CPS1: variants seen among roughly 807,000 people sequenced by gnomAD.
The protein encoded by CPS1 is carbamoyl-phosphate synthase [ammonia], mitochondrial.
Under a neutral mutation model 174.6 loss-of-function variants are expected in CPS1, and 109 were observed. That is an observed-to-expected ratio of 0.62 (90% CI 0.53 to 0.73). The LOEUF is 0.73. Among genes scored for constraint, CPS1 ranks in the 30% least tolerant of loss-of-function variants. The pLI is 0.00. For missense variants in CPS1, 1,689 were observed against 1,821.9 expected (o/e 0.93, Z 1.33); for synonymous variants, 637 against 632.0 (o/e 1.01, Z -0.12).
At chr2:210,502,992 C>T (rs1047559124) in intron 1 of CPS1, among the ~76,000 whole-genome samples, 1 of 152,148 alleles carries the variant, frequency 6.6e-6, no homozygotes, top group Non-Finnish European at 1.5e-5. Flanking sequence ...AAGACCCAGG[C>T]ACTGACCTAA....
intron 1 of CPS1, among the ~76,000 whole-genome samples, chr2:210,541,536 C>A (rs528216974): frequency 1.3e-5 from 2 of 152,218 alleles, no homozygotes; most frequent in African/African-American, 4.8e-5. Context: ...GCTTTTACCC[C>A]TCTTATGTAG....
intron 16 of CPS1, among the ~76,000 whole-genome samples, chr2:210,604,783 G>C (rs1244439456): frequency 2.0e-5 from 3 of 151,890 alleles, no homozygotes; most frequent in Non-Finnish European, 4.4e-5. Context: ...CAGAAGCCTA[G>C]CTGCTGAAAT....
intron 19 of CPS1, among the ~76,000 whole-genome samples, chr2:210,611,828 A>G (rs1444527108): frequency 3.3e-5 from 5 of 151,872 alleles, no homozygotes; most frequent in Non-Finnish European, 7.4e-5. Context: ...TTTTAATACT[A>G]TGGTCCAGAG....
At chr2:210,613,825 A>C (rs940300730) in intron 20 of CPS1, among the ~76,000 whole-genome samples, 2 of 151,954 alleles carry the variant, frequency 1.3e-5, no homozygotes, top group Non-Finnish European at 2.9e-5. Flanking sequence ...CAAGAAGTGC[A>C]GGGGCTGCGT....
chr2:210,535,512 A>G (rs1354885499), intron 1 of CPS1, among the ~76,000 whole-genome samples: 1 of 152,144 alleles, frequency 6.6e-6, no homozygotes, highest in Non-Finnish European at 1.5e-5. Context: ...GAACCCACAA[A>G]TCCCCCTTTT....
At chr2:210,630,852 G>A (rs1699843795) in intron 21 of CPS1, among the ~76,000 whole-genome samples, 1 of 152,098 alleles carries the variant, frequency 6.6e-6, no homozygotes, top group South Asian at 2.1e-4. Context: ...ATTGTGGCAT[G>A]GTCTTGAACC....
At chr2:210,589,421 G>C (rs1192435449) in intron 7 of CPS1, among the ~76,000 whole-genome samples, 4 of 151,980 alleles carry the variant, frequency 2.6e-5, no homozygotes, top group Non-Finnish European at 5.9e-5. Flanking sequence ...GAAAACCCTA[G>C]GAAAGAAGGC....
intron 11 of CPS1, 27 bp downstream of exon 11, chr2:210,592,983 T>C (rs1277557758): frequency 6.3e-7 from 1 of 1,588,390 alleles, no homozygotes; most frequent in Non-Finnish European, 8.6e-7. Context: ...AGGCCTATTA[T>C]GTATGCAAAA....
At chr2:210,669,191 A>G (rs1389958159) in intron 34 of CPS1, among the ~76,000 whole-genome samples, 5 of 152,170 alleles carry the variant, frequency 3.3e-5, no homozygotes, top group African/African-American at 7.2e-5. Flanking sequence ...GGGCAAAATG[A>G]TAGGAAACTT....
intron 1 of CPS1, among the ~76,000 whole-genome samples, chr2:210,507,232 T>G (rs1213782613): frequency 6.6e-6 from 1 of 152,178 alleles, no homozygotes; most frequent in African/African-American, 2.4e-5. Context: ...TCAACATTCT[T>G]AAAGAAAAGA....
chr2:210,576,603 T>A, intron 3 of CPS1, 113 bp downstream of exon 3: 1 of 1,084,778 alleles, frequency 9.2e-7, no homozygotes, highest in Non-Finnish European at 1.4e-6. Flanking sequence ...TACAAATCAT[T>A]AAGCTCATGT....
At chr2:210,548,945 G>A (rs988833892) in intron 1 of CPS1, among the ~76,000 whole-genome samples, 1 of 152,044 alleles carries the variant, frequency 6.6e-6, no homozygotes, top group African/African-American at 2.4e-5. Flanking sequence ...GCTGAAAATA[G>A]GAGGCCATGG....
chr2:210,623,707 C>A (rs1699610974), intron 21 of CPS1, among the ~76,000 whole-genome samples: 1 of 152,148 alleles, frequency 6.6e-6, no homozygotes. Flanking sequence ...CATTTCCCTG[C>A]AGCCACAAAC....
At chr2:210,582,295 T>C (rs1212998447) in intron 5 of CPS1, among the ~76,000 whole-genome samples, 4 of 152,124 alleles carry the variant, frequency 2.6e-5, no homozygotes, top group Non-Finnish European at 5.9e-5. Context: ...ATACGCTGAG[T>C]AGTGTAAGTT....
At chr2:210,526,215 C>T (rs542987053) in intron 1 of CPS1, among the ~76,000 whole-genome samples, 1 of 151,876 alleles carries the variant, frequency 6.6e-6, no homozygotes, top group South Asian at 2.1e-4. Flanking sequence ...GGGAACATCT[C>T]ACAATGGGGC....
At chr2:210,648,144 T>A in intron 26 of CPS1, 87 bp downstream of exon 26, 1 of 1,337,198 alleles carries the variant, frequency 7.5e-7, no homozygotes, top group African/African-American at 1.4e-5. Context: ...CTATTGGATA[T>A]GTTAACTACA....
In CPS1 at chr2:210,582,615, A is replaced by G. The variant is rs745965572; in HGVS notation, c.529-2A>G. On this transcript the variant is annotated splice_acceptor_variant, in intron 5 of 37. Transcript: ENST00000233072. LOFTEE classifies it high-confidence loss of function. ...AACTGTCTAATTTTTTTAATTTGAT[A>G]GGGTACCATGCTTGGGAAGATTGAA... The G allele has an allele frequency of 6.2e-7, 1 of 1,610,192 alleles. No individual in the cohort carries two copies. The highest frequency in any genetic ancestry group is 8.5e-7 in the Non-Finnish European group (1 of 1,176,680).
chr2:210,661,490 G>GACTTCA (rs1700920587), intron 32 of CPS1, among the ~76,000 whole-genome samples: 1 of 152,160 alleles, frequency 6.6e-6, no homozygotes. Flanking sequence ...ATGTACTAGT[G>GACTTCA]ACTTCAACCA....
chr2:210,652,597 G>T (rs528381391), intron 28 of CPS1, among the ~76,000 whole-genome samples: 1 of 152,252 alleles, frequency 6.6e-6, no homozygotes, highest in South Asian at 2.1e-4. Flanking sequence ...GCCATTTATT[G>T]AGATAGGGAA....
Sources: gnomAD v4.1 joint callset for allele counts (sites outside exome capture counted in the v4.1 genomes callset) on GRCh38, gnomAD v4.1.1 for gene constraint, MANE v1.5 for transcripts, NCBI Gene and HGNC (gene_info 2026-07-23, HGNC 2026-07-21) for gene names.